The following FAM13A variants were observed in gnomAD, a reference collection of about 807,000 sequenced individuals.
FAM13A encodes family with sequence similarity 13 member A, also known as protein FAM13A.
FAM13A carries 76 observed loss-of-function variants against 129.6 expected under a neutral mutation model. The observed-to-expected ratio is 0.59, with a 90% CI of 0.49 to 0.71. The LOEUF (loss-of-function observed/expected upper bound fraction) is 0.71. FAM13A is among the 30% of genes least tolerant of loss of function. The pLI is 0.00. For synonymous variants in FAM13A, 443 were observed against 449.9 expected (o/e 0.98, Z 0.20); for missense variants, 1,108 against 1,249.3 (o/e 0.89, Z 1.70).
intron 7 of FAM13A, among the ~76,000 whole-genome samples, chr4:88,843,873 G>A (rs1314581686): frequency 1.3e-5 from 2 of 152,334 alleles, no homozygotes; most frequent in East Asian, 1.9e-4. Flanking sequence ...TGGGGACAAT[G>A]AGAGCGCACG....
At chr4:88,838,205 CCTA>C (rs1735162872) in intron 7 of FAM13A, among the ~76,000 whole-genome samples, 3 of 152,070 alleles carry the variant, frequency 2.0e-5, no homozygotes, top group Non-Finnish European at 2.9e-5. Flanking sequence ...CAGGGATATA[CCTA>C]CGTATAACAA....
chr4:88,761,221 A>T (rs550312149), intron 13 of FAM13A, among the ~76,000 whole-genome samples: 2 of 152,310 alleles, frequency 1.3e-5, no homozygotes, highest in South Asian at 4.1e-4. Context: ...GAAGGTATGA[A>T]GGGCCTTCAG....
In FAM13A at chr4:88,726,660, G is replaced by A. The variant is rs1479698623; in HGVS notation, c.*1873C>T. 2 of 152,530 alleles carry A rather than the reference G, an allele frequency of 1.3e-5. No homozygotes were observed. The highest frequency in any genetic ancestry group is 2.4e-5 in the African/African-American group (1 of 41,404). The allele number at this position is 152,530 out of a possible 1,614,324, so 9.4% of individuals were successfully genotyped here. On this transcript the variant is annotated 3_prime_UTR_variant, in exon 24 of 24. Coordinates refer to ENST00000264344, the MANE Select transcript of FAM13A (RefSeq NM_014883.4). Reference sequence around the variant, plus strand: ...TATTTTTAAAAAAACACAATTTTTGGTCATGTGAATGATTCATGTTCAGAT... The same window carrying A: ...TATTTTTAAAAAAACACAATTTTTGATCATGTGAATGATTCATGTTCAGAT...
intron 1 of FAM13A, among the ~76,000 whole-genome samples, chr4:89,044,901 G>A (rs1770640749): frequency 6.6e-6 from 1 of 151,726 alleles, no homozygotes; most frequent in Admixed American, 6.6e-5. Flanking sequence ...GAAGGACAAT[G>A]GCTACCAGGG....
intron 13 of FAM13A, among the ~76,000 whole-genome samples, chr4:88,766,208 G>T (rs1745682602): frequency 6.6e-6 from 1 of 152,224 alleles, no homozygotes; most frequent in South Asian, 2.1e-4. Flanking sequence ...TAGGAGAAGA[G>T]TAGGTGCTTG....
intron 6 of FAM13A, among the ~76,000 whole-genome samples, chr4:88,859,692 A>C (rs928021129): frequency 1.3e-5 from 2 of 152,188 alleles, no homozygotes; most frequent in Non-Finnish European, 2.9e-5. Flanking sequence ...ATGTCCTTAG[A>C]CCAGGACCTC....
chr4:88,935,122 G>A (rs1319088861), intron 5 of FAM13A, among the ~76,000 whole-genome samples: 1 of 152,222 alleles, frequency 6.6e-6, no homozygotes, highest in Non-Finnish European at 1.5e-5. Context: ...ATGTGCTGTA[G>A]ATGCCATGAT....
intron 6 of FAM13A, among the ~76,000 whole-genome samples, chr4:88,861,369 A>T (rs1164674146): frequency 6.9e-6 from 1 of 144,108 alleles, no homozygotes; most frequent in African/African-American, 2.7e-5. Flanking sequence ...CAACAGAGCA[A>T]GACTCCGTCT....
intron 12 of FAM13A, 94 bp from the exon 13 acceptor site, chr4:88,767,689 T>C: frequency 9.7e-7 from 1 of 1,027,864 alleles, no homozygotes; most frequent in South Asian, 1.7e-5. Flanking sequence ...TTTAAGAGTA[T>C]GTTGAGTAGC....
At chr4:88,794,124 A>G (rs1365433734) in intron 8 of FAM13A, among the ~76,000 whole-genome samples, 1 of 151,978 alleles carries the variant, frequency 6.6e-6, no homozygotes, top group Admixed American at 6.6e-5. Flanking sequence ...CTGATTTGCT[A>G]AGAAAATTTC....
chr4:89,008,206 C>A (rs1299818672), intron 3 of FAM13A, among the ~76,000 whole-genome samples: 3 of 152,164 alleles, frequency 2.0e-5, no homozygotes, highest in Non-Finnish European at 4.4e-5. Context: ...GTGTTATGGA[C>A]TAAATTTTGT....
intron 1 of FAM13A, among the ~76,000 whole-genome samples, chr4:89,040,750 G>C (rs1020100221): frequency 1.3e-5 from 2 of 152,218 alleles, no homozygotes; most frequent in African/African-American, 2.4e-5. Context: ...GTGTCAACTT[G>C]ACTGGATTGA....
chr4:88,814,344 A>AT (rs887943093), intron 7 of FAM13A, among the ~76,000 whole-genome samples: 4 of 152,188 alleles, frequency 2.6e-5, no homozygotes, highest in Middle Eastern at 3.4e-3. Flanking sequence ...TCACGTAGGC[A>AT]TTTTTTTGGG....
At chr4:88,875,609 T>C (rs1742272876) in intron 6 of FAM13A, among the ~76,000 whole-genome samples, 1 of 152,186 alleles carries the variant, frequency 6.6e-6, no homozygotes, top group East Asian at 1.9e-4. Flanking sequence ...TCACACCAGT[T>C]AAAATGGCGA....
rs369448820 is a variant in FAM13A, at chr4:88,743,435, A to T, written c.2466+3497T>A. On this transcript the variant is annotated intron_variant, in intron 19 of 23. Transcript: ENST00000264344. ...TAAAATGAACATATTCACTTTAAAG[A>T]TAAATTAGAACTATGAAATATTAAG... 2.6e-5 allele frequency among the ~76,000 whole-genome samples: 4 copies of T among 152,348 alleles called. No homozygotes were observed. The South Asian group carries it at 6.2e-4, about 24-fold the overall frequency.
At chr4:88,782,679 A>G (rs2149627006) in intron 10 of FAM13A, among the ~76,000 whole-genome samples, 1 of 152,252 alleles carries the variant, frequency 6.6e-6, no homozygotes, top group East Asian at 1.9e-4. Flanking sequence ...TACAACTTTA[A>G]TGTGAAAATA....
intron 4 of FAM13A, among the ~76,000 whole-genome samples, chr4:88,988,225 C>A (rs1457358318): frequency 1.3e-5 from 2 of 152,016 alleles, no homozygotes; most frequent in African/African-American, 4.8e-5. Context: ...AGTGTGGGCA[C>A]CCCTGCACAT....
At chr4:88,978,611 G>A (rs554911162) in intron 4 of FAM13A, among the ~76,000 whole-genome samples, 22 of 152,236 alleles carry the variant, frequency 1.4e-4, no homozygotes, top group East Asian at 1.2e-3. Flanking sequence ...TGGCTAACAC[G>A]GTGAAACCCC....
intron 6 of FAM13A, among the ~76,000 whole-genome samples, chr4:88,883,979 G>C (rs973546161): frequency 6.6e-6 from 1 of 151,970 alleles, no homozygotes; most frequent in Non-Finnish European, 1.5e-5. Flanking sequence ...TAGAAACTCT[G>C]CACAGATGAA....
Sources: gnomAD v4.1 joint callset for allele counts (sites outside exome capture counted in the v4.1 genomes callset) on GRCh38, gnomAD v4.1.1 for gene constraint, MANE v1.5 for transcripts, NCBI Gene and HGNC (gene_info 2026-07-23, HGNC 2026-07-21) for gene names.